Variants in TOX2 observed in about 807,000 individuals in gnomAD.
TOX2 encodes the protein granulosa cell HMG box 1.
A neutral mutation model predicts 47.4 loss-of-function variants in TOX2; 15 were observed. The observed-to-expected ratio is 0.32, with a 90% CI of 0.21 to 0.49. The LOEUF is 0.49. TOX2 is among the 20% of genes least tolerant of loss of function. The probability of loss-of-function intolerance (pLI) is 0.99; values close to 1 mark genes in which losing one functional copy is unlikely to be tolerated. For synonymous variants in TOX2, 290 were observed against 296.6 expected (o/e 0.98, Z 0.23); for missense variants, 622 against 673.1 (o/e 0.92, Z 0.84).
intron 1 of TOX2, among the ~76,000 whole-genome samples, chr20:43,949,922 A>G (rs1353821711): frequency 6.6e-6 from 1 of 152,114 alleles, no homozygotes; most frequent in East Asian, 1.9e-4. Flanking sequence ...TAGGCAGTAG[A>G]TGCAAAAGAC....
At chr20:43,957,167 T>C (rs6093903) in intron 1 of TOX2, among the ~76,000 whole-genome samples, 27,775 of 152,252 alleles carry the variant, frequency 0.18, 3,283 homozygotes, top group Admixed American at 0.3. Flanking sequence ...TGTTTTCTGA[T>C]TGTTTCCCTG....
In TOX2 at chr20:44,054,337, A is replaced by C. The variant is rs763917185; in HGVS notation, c.690A>C (p.Lys230Asn). The change falls in exon 5 of 9, where the codon AAA becomes AAC. Residue 230 changes from lysine to asparagine, a missense_variant. By Grantham distance (94) the Lys-to-Asn change is moderately conservative. Around this residue, in one of 3 missense-constraint regions of TOX2, gnomAD observed 307 missense variants for 327.3 expected, o/e 0.94. Coordinates refer to ENST00000341197, the MANE Select transcript of TOX2 (RefSeq NM_001098797.2). ...AGAGACCTTCAGCCGACCCAGGAAA[A>C]AAGGCCAAGAACCCGAAGAAGAAGA... ...GEKRPSADPG[K>N]KAKNPKKKKK... 6.2e-7 allele frequency: 1 copy of C among 1,612,974 alleles called. No homozygotes were observed. Among genetic ancestry groups the C allele is most frequent in the South Asian group, 1.1e-5 (1 of 91,000 alleles).
chr20:43,959,925 G>C (rs1306930833), intron 1 of TOX2, among the ~76,000 whole-genome samples: 1 of 152,186 alleles, frequency 6.6e-6, no homozygotes, highest in Non-Finnish European at 1.5e-5. Flanking sequence ...GCAAGACCTG[G>C]CAGGAGTACA....
chr20:43,978,693 C>T (rs1053544767), intron 2 of TOX2, among the ~76,000 whole-genome samples: 3 of 151,816 alleles, frequency 2.0e-5, no homozygotes, highest in Non-Finnish European at 4.4e-5. Flanking sequence ...GTAGAGTTTT[C>T]CACTCTCTTA....
At chr20:43,961,447 A>T (rs543752227) in intron 1 of TOX2, among the ~76,000 whole-genome samples, 1 of 152,226 alleles carries the variant, frequency 6.6e-6, no homozygotes, top group East Asian at 1.9e-4. Flanking sequence ...ATGGGACTTG[A>T]TGGAGAGTGA....
chr20:44,016,755 G>T (rs1477441002), intron 3 of TOX2, among the ~76,000 whole-genome samples: 1 of 152,180 alleles, frequency 6.6e-6, no homozygotes, highest in African/African-American at 2.4e-5. Context: ...TCCTATTCCT[G>T]TATGAGGACC....
At chr20:44,066,954 G>C in intron 8 of TOX2, 97 bp downstream of exon 8, 2 of 1,513,560 alleles carry the variant, frequency 1.3e-6, no homozygotes, top group Non-Finnish European at 1.8e-6. Flanking sequence ...AACGTGGACA[G>C]GGGAGGACCC....
At chr20:43,938,320 A>G (rs1452118006) in intron 1 of TOX2, among the ~76,000 whole-genome samples, 1 of 152,034 alleles carries the variant, frequency 6.6e-6, no homozygotes, top group Non-Finnish European at 1.5e-5. Context: ...ACCCACCGGG[A>G]CCCCTTAGTC....
At chr20:43,942,845 T>A (rs2069418700) in intron 1 of TOX2, among the ~76,000 whole-genome samples, 1 of 152,198 alleles carries the variant, frequency 6.6e-6, no homozygotes, top group South Asian at 2.1e-4. Context: ...CTCTTTGTTT[T>A]GAACCGTAAC....
intron 3 of TOX2, among the ~76,000 whole-genome samples, chr20:44,023,984 G>A (rs940359410): frequency 1.1e-4 from 16 of 152,118 alleles, no homozygotes; most frequent in Non-Finnish European, 1.9e-4. Flanking sequence ...TCTCTGATCC[G>A]GTGGTGGCTT....
In TOX2 at chr20:43,946,179, G is replaced by A. The variant is rs1248747091; in HGVS notation, c.100-27188G>A. ...CATTCTGGAATGAAGATGCTTTAGA[G>A]GGGCCAGGAGGCCTGCAGTTGGCAG... On this transcript the variant is annotated intron_variant, in intron 1 of 8. Coordinates refer to ENST00000341197, the MANE Select transcript of TOX2 (RefSeq NM_001098797.2). 5 of 1,313,252 alleles carry A rather than the reference G, an allele frequency of 3.8e-6. No individual in the cohort carries two copies. The African/African-American group carries it at 4.4e-5, about 12-fold the overall frequency. 81.3% of individuals were successfully genotyped at this position (1,313,252 alleles called of 1,614,324 possible).
At chr20:43,945,480 C>T (rs1041225302) in intron 1 of TOX2, among the ~76,000 whole-genome samples, 3 of 152,200 alleles carry the variant, frequency 2.0e-5, no homozygotes, top group East Asian at 1.9e-4. Flanking sequence ...GGTATTTCTG[C>T]AGGATGGATG....
chr20:43,992,337 G>A (rs1272387423), intron 2 of TOX2, among the ~76,000 whole-genome samples: 2 of 152,268 alleles, frequency 1.3e-5, no homozygotes, highest in African/African-American at 4.8e-5. Flanking sequence ...AGGAGTGATC[G>A]TGTAGGAGCG....
Position 44,051,553 on chromosome 20 carries a change from C to T in TOX2, c.651+8C>T, listed in dbSNP as rs539780181. ...TCGGAAGTGCATTTCAAGGTATGTGCGGTGGAGGAACAGAGCCTGAAGCTG... is the reference window on the plus strand; with the variant it reads ...TCGGAAGTGCATTTCAAGGTATGTGTGGTGGAGGAACAGAGCCTGAAGCTG... On this transcript the variant is annotated splice_region_variant and intron_variant, in intron 4 of 8. Coordinates refer to ENST00000341197, the MANE Select transcript of TOX2 (RefSeq NM_001098797.2). The T allele has an allele frequency of 9.6e-6, 15 of 1,570,080 alleles. No individual in the cohort carries two copies. Among genetic ancestry groups the T allele is most frequent in the South Asian group, 3.5e-5 (3 of 84,690 alleles).
intron 1 of TOX2, among the ~76,000 whole-genome samples, chr20:43,960,229 G>A (rs565933969): frequency 2.6e-5 from 4 of 152,174 alleles, no homozygotes; most frequent in Non-Finnish European, 4.4e-5. Flanking sequence ...ATGCTCTTGC[G>A]TGTCACCCTA....
intron 1 of TOX2, among the ~76,000 whole-genome samples, chr20:43,948,357 A>G (rs1478575318): frequency 1.3e-5 from 2 of 152,208 alleles, no homozygotes; most frequent in African/African-American, 4.8e-5. Flanking sequence ...TCAGAAGAAG[A>G]GTCCAGGCTG....
intron 3 of TOX2, 116 bp from the exon 4 acceptor site, chr20:44,051,190 G>T (rs189267992): frequency 1.4e-6 from 2 of 1,436,464 alleles, no homozygotes; most frequent in East Asian, 4.9e-5. Flanking sequence ...GATCGGAGCA[G>T]GAGCCGCACC....
intron 5 of TOX2, 59 bp from the exon 6 acceptor site, chr20:44,064,718 T>G: frequency 6.5e-7 from 1 of 1,538,972 alleles, no homozygotes; most frequent in Non-Finnish European, 9.0e-7. Flanking sequence ...CCCAGGACCC[T>G]GCACGGCATC....
chr20:43,970,189 C>T (rs1416042380), intron 1 of TOX2, among the ~76,000 whole-genome samples: 1 of 152,208 alleles, frequency 6.6e-6, no homozygotes, highest in African/African-American at 2.4e-5. Flanking sequence ...CTCTTAAATC[C>T]CATCTCTCCC....
Sources: allele counts gnomAD v4.1 joint callset (sites outside exome capture counted in the v4.1 genomes callset), GRCh38; gene constraint gnomAD v4.1.1; regional missense constraint gnomAD v4.1.1; transcripts MANE v1.5; gene names NCBI Gene and HGNC (gene_info 2026-07-23, HGNC 2026-07-21).